Variants in CTR9 observed in about 807,000 individuals in gnomAD.
CTR9 encodes the protein RNA polymerase-associated protein CTR9 homolog.
CTR9 carries 41 observed loss-of-function variants against 152.1 expected under a neutral mutation model. The ratio of observed to expected loss-of-function variants is 0.27; its 90% CI spans 0.21 to 0.35. The LOEUF (loss-of-function observed/expected upper bound fraction) is 0.35. CTR9 is among the 10% of genes least tolerant of loss of function. The probability of loss-of-function intolerance (pLI) is 1.00; values close to 1 mark genes in which losing one functional copy is unlikely to be tolerated. For missense variants in CTR9, 917 were observed against 1,424.4 expected (o/e 0.64, Z 5.73); for synonymous variants, 476 against 496.2 (o/e 0.96, Z 0.54).
At position 10,760,334 on chromosome 11, in the gene CTR9, A is replaced by G. The variant is rs984820571; in HGVS notation, c.741+13A>G. ...CAACAATAAAGAGGTATGTAAATGA[A>G]AAAAGTATCTAGCTCCTAACTGCTT... On this transcript the variant is annotated intron_variant, in intron 6 of 24. Transcript: ENST00000361367. The G allele has an allele frequency of 6.2e-6, 10 of 1,606,948 alleles. No individual in the cohort carries two copies. The highest frequency in any genetic ancestry group is 8.5e-6 in the Non-Finnish European group (10 of 1,175,160).
intron 24 of CTR9, among the ~76,000 whole-genome samples, chr11:10,777,234 C>G (rs1863254357): frequency 6.6e-6 from 1 of 151,712 alleles, no homozygotes; most frequent in South Asian, 2.1e-4. Flanking sequence ...CTATAAAGAA[C>G]CAGATTTGCA....
intron 24 of CTR9, 76 bp downstream of exon 24, chr11:10,775,709 A>G (rs751625031): frequency 5.5e-5 from 50 of 916,246 alleles, no homozygotes; most frequent in South Asian, 2.7e-4. Flanking sequence ...GCCTGTCTGT[A>G]CTAAGAAAAA....
intron 19 of CTR9, among the ~76,000 whole-genome samples, chr11:10,772,096 C>T (rs916637711): frequency 1.3e-5 from 2 of 152,082 alleles, no homozygotes; most frequent in Non-Finnish European, 2.9e-5. Context: ...TGGCTCACAC[C>T]TGTAATCCTG....
rs12099300 is a variant in CTR9 at position 10,754,269 on chromosome 11, C to T, written c.145-689C>T. ...TTTTTGGTAGATCTAGAACCAGAAC[C>T]CAAGTTTTCTATTTAGAATTCTTCA... On this transcript the variant is annotated intron_variant, in intron 2 of 24. Coordinates refer to ENST00000361367, the MANE Select transcript of CTR9 (RefSeq NM_014633.5). Among the ~76,000 whole-genome samples, 284 of 152,268 alleles carry T rather than the reference C, an allele frequency of 1.9e-3. 5 individuals carry two copies. Among genetic ancestry groups the T allele is most frequent in the African/African-American group, 6.5e-3 (268 of 41,544 alleles).
chr11:10,774,371 A>G, intron 22 of CTR9: 4 of 480,922 alleles, frequency 8.3e-6, no homozygotes, highest in Non-Finnish European at 1.5e-5. Flanking sequence ...ACGTCTCCAC[A>G]GCTTTCCTTC....
intron 13 of CTR9, among the ~76,000 whole-genome samples, chr11:10,766,822 AC>A (rs1863067357): frequency 6.6e-6 from 1 of 152,178 alleles, no homozygotes; most frequent in Non-Finnish European, 1.5e-5. Flanking sequence ...TTTAGTTAGT[AC>A]CATATGAGAG....
chr11:10,757,482 G>A (rs75931106), intron 5 of CTR9, among the ~76,000 whole-genome samples: 9,859 of 151,778 alleles, frequency 0.065, 581 homozygotes, highest in East Asian at 0.19. Context: ...AAGAGGCTAG[G>A]CAGGAAGATC....
Position 10,763,854 on chromosome 11 carries a change from A to G in CTR9, c.1169A>G (p.Asp390Gly). Residue 390 changes from aspartate to glycine, a missense_variant, in exon 9 of 25, where the codon GAT becomes GGT. Around this residue, in one of 9 missense-constraint regions of CTR9, gnomAD observed 133 missense variants for 244.1 expected, o/e 0.54. Coordinates refer to ENST00000361367, the MANE Select transcript of CTR9 (RefSeq NM_014633.5). ...GGCTCTCTCTATGCTGCCTCAGAAG[A>G]TCAAGAAAAACGAGATATTGCCAAG... ...ILGSLYAASE[D>G]QEKRDIAKGH... 1 of 1,607,076 alleles carries G rather than the reference A, an allele frequency of 6.2e-7. No individual in the cohort carries two copies. The highest frequency in any genetic ancestry group is 8.5e-7 in the Non-Finnish European group (1 of 1,178,182).
In CTR9 at chr11:10,767,752, G is replaced by T; in HGVS notation, c.1687-54G>T. On this transcript the variant is annotated intron_variant, in intron 13 of 24. Coordinates refer to ENST00000361367, the MANE Select transcript of CTR9 (RefSeq NM_014633.5). This position sits in a 1 kb window ranked among gnomAD's most constrained non-coding sequence, Gnocchi z 4.0. ...AATCAGCTATTGTGGGAAGATGATTGATCTCTGTCAAACTAAACTGCAGAT... is the reference window on the plus strand; with the variant it reads ...AATCAGCTATTGTGGGAAGATGATTTATCTCTGTCAAACTAAACTGCAGAT... The T allele has an allele frequency of 2.0e-6, 3 of 1,473,532 alleles. No individual in the cohort carries two copies. In the Admixed American group the frequency reaches 5.1e-5, roughly 25 times the overall value. The allele number at this position is 1,473,532 out of a possible 1,614,324, so 91.3% of individuals were successfully genotyped here. A position where few individuals can be genotyped will look rare whatever the true frequency, so the allele number is the denominator to read the frequency against.
chr11:10,772,379 A>C (rs528686329), intron 19 of CTR9, 141 bp from the exon 20 acceptor site: 56 of 706,456 alleles, frequency 7.9e-5, no homozygotes, highest in South Asian at 1.3e-4. Flanking sequence ...AAGAAAAAAA[A>C]CATTTTTTTA....
chr11:10,754,017 C>A (rs116196998), intron 2 of CTR9, among the ~76,000 whole-genome samples: 2,236 of 152,178 alleles, frequency 0.015, 59 homozygotes, highest in African/African-American at 0.051. Context: ...TGGTATGTGA[C>A]CAATAGTCAG....
rs1862798548 is a variant in CTR9 at position 10,751,402 on chromosome 11, T to G, written c.-11T>G. The G allele has an allele frequency of 6.2e-7, 1 of 1,612,808 alleles. No homozygotes were observed. Among genetic ancestry groups the G allele is most frequent in the Non-Finnish European group, 8.5e-7 (1 of 1,179,992 alleles). On this transcript the variant is annotated 5_prime_UTR_variant, in exon 1 of 25. Coordinates refer to ENST00000361367, the MANE Select transcript of CTR9 (RefSeq NM_014633.5). ...GCGGGGCGAGACACTTGCTCGCCTT[T>G]TGACCCCATCATGTCGCGGGGCTCC... is the stretch of plus-strand genomic sequence containing the variant.
At chr11:10,758,933 T>C (rs1013633008) in intron 5 of CTR9, among the ~76,000 whole-genome samples, 5 of 152,252 alleles carry the variant, frequency 3.3e-5, no homozygotes, top group Non-Finnish European at 7.3e-5. Context: ...TGGAAAATGC[T>C]GATATCATTC....
chr11:10,773,943 G>T (rs1863187275), intron 21 of CTR9, 69 bp from the exon 22 acceptor site: 4 of 1,020,468 alleles, frequency 3.9e-6, no homozygotes, highest in South Asian at 1.7e-5. Context: ...GCCCCTTTCT[G>T]TACCTTAGCA....
chr11:10,776,664 G>A (rs1224265944), intron 24 of CTR9, among the ~76,000 whole-genome samples: 1 of 152,152 alleles, frequency 6.6e-6, no homozygotes, highest in Non-Finnish European at 1.5e-5. Flanking sequence ...CAGTGGAAAA[G>A]AACAGATAAA....
intron 6 of CTR9, among the ~76,000 whole-genome samples, chr11:10,761,009 A>C (rs1479503882): frequency 6.6e-6 from 1 of 152,186 alleles, no homozygotes; most frequent in African/African-American, 2.4e-5. Flanking sequence ...GCTCTCCATC[A>C]TGCTTCCCCT....
At chr11:10,771,440 T>C in intron 18 of CTR9, 105 bp from the exon 19 acceptor site, 1 of 768,042 alleles carries the variant, frequency 1.3e-6, no homozygotes, top group Non-Finnish European at 2.2e-6. Flanking sequence ...TCAGTCAATA[T>C]GCAAACCTTT....
At chr11:10,768,573 G>A (rs1159442585) in intron 16 of CTR9, 82 bp downstream of exon 16, 4 of 1,348,198 alleles carry the variant, frequency 3.0e-6, no homozygotes, top group Admixed American at 2.5e-5. Flanking sequence ...GCCCTGTCAT[G>A]GAGCTGCATG....
Position 10,774,192 on chromosome 11 carries a change from T to C in CTR9, c.2885+23T>C, listed in dbSNP as rs375189185. The C allele has an allele frequency of 2.2e-5, 35 of 1,585,364 alleles. No individual in the cohort carries two copies. In the African/African-American group the frequency reaches 4.5e-4, roughly 20 times the overall value. ...AAGGTAATGTCATCATTAATGTGCT[T>C]TAAGTAACCTCATAAAAGTGGTGAA... On this transcript the variant is annotated intron_variant, in intron 22 of 24. Transcript: ENST00000361367.
Sources: allele counts gnomAD v4.1 joint callset (sites outside exome capture counted in the v4.1 genomes callset), GRCh38; gene constraint gnomAD v4.1.1; regional missense constraint gnomAD v4.1.1; non-coding constraint Gnocchi (gnomAD v3.1); transcripts MANE v1.5; gene names NCBI Gene and HGNC (gene_info 2026-07-23, HGNC 2026-07-21).